PKNOX2: variants seen among roughly 807,000 people sequenced by gnomAD.
PKNOX2 encodes the protein homeobox protein PKNOX2.
PKNOX2 carries 14 observed loss-of-function variants against 53.1 expected under a neutral mutation model. The observed-to-expected ratio is 0.26, with a 90% CI of 0.17 to 0.41. PKNOX2 has a LOEUF of 0.41. PKNOX2 is among the 10% of genes least tolerant of loss of function. PKNOX2 has a pLI of 1.00. For synonymous variants in PKNOX2, 257 were observed against 242.8 expected (o/e 1.06, Z -0.54); for missense variants, 496 against 602.8 (o/e 0.82, Z 1.85).
At chr11:125,350,904 G>A (rs1951268603) in intron 3 of PKNOX2, among the ~76,000 whole-genome samples, 1 of 152,098 alleles carries the variant, frequency 6.6e-6, no homozygotes, top group Admixed American at 6.5e-5. Flanking sequence ...CTGGAACTCA[G>A]GGTCCTCCTG....
At chr11:125,186,107 G>T (rs1283678830) in intron 1 of PKNOX2, among the ~76,000 whole-genome samples, 1 of 48,892 alleles carries the variant, frequency 2.0e-5, no homozygotes, top group South Asian at 1.1e-3. Context: ...ATGTGAAGTG[G>T]TATCTCGTTA....
chr11:125,235,455 G>A (rs1015537789), intron 2 of PKNOX2, among the ~76,000 whole-genome samples: 5 of 152,228 alleles, frequency 3.3e-5, no homozygotes, highest in Admixed American at 3.3e-4. Flanking sequence ...AGCCTGGAAG[G>A]CAATGAGAGG....
rs528383347 is a variant in PKNOX2 at position 125,218,407 on chromosome 11, T to TG, written c.-200-16629dup. Among the ~76,000 whole-genome samples, 513 of 120,748 alleles carry TG rather than the reference T, an allele frequency of 4.2e-3. 5 individuals are homozygous for TG. The highest frequency in any genetic ancestry group is 0.015 in the East Asian group (58 of 3,782). 79.2% of individuals were successfully genotyped at this position (120,748 alleles called of 152,430 possible). A position where few individuals can be genotyped will look rare whatever the true frequency, so the allele number is the denominator to read the frequency against. On this transcript the variant is annotated intron_variant, in intron 1 of 12. Transcript: ENST00000298282. ...GACTCTGGGTGCTGCGTGGCAGTGA[T>TG]GGGGGGGGGACAGGAACTTGTTCCA...
chr11:125,365,159 C>A (rs1364751468), intron 4 of PKNOX2, among the ~76,000 whole-genome samples: 1 of 152,074 alleles, frequency 6.6e-6, no homozygotes, highest in Non-Finnish European at 1.5e-5. Flanking sequence ...TCACCCACCC[C>A]CCAAATCTTG....
chr11:125,212,277 A>G (rs997851596), intron 1 of PKNOX2, among the ~76,000 whole-genome samples: 1 of 151,984 alleles, frequency 6.6e-6, no homozygotes, highest in African/African-American at 2.4e-5. Context: ...AGAGGGGAGC[A>G]TTCTTTCTGG....
chr11:125,421,388 G>T (rs145165614), intron 10 of PKNOX2, among the ~76,000 whole-genome samples: 2 of 152,292 alleles, frequency 1.3e-5, no homozygotes, highest in East Asian at 3.9e-4. Flanking sequence ...TGAGGGGTCT[G>T]GGGATATCTT....
rs1407761573 is a variant in PKNOX2 at position 125,370,336 on chromosome 11, G to A, written c.227+2351G>A. Among the ~76,000 whole-genome samples the A allele has an allele frequency of 8.5e-5, 13 of 152,150 alleles. No homozygotes were observed. The highest frequency in any genetic ancestry group is 1.6e-4 in the Non-Finnish European group (11 of 68,034). ...AAGCCCTTCTCACAATCCCAGGCTC[G>A]TACCCTACCCAGGCCAACCTGCAGG... On this transcript the variant is annotated intron_variant, in intron 5 of 12. Coordinates refer to ENST00000298282, the MANE Select transcript of PKNOX2 (RefSeq NM_001382323.2). This position sits in a 1 kb window ranked among gnomAD's most constrained non-coding sequence, Gnocchi z 4.1.
chr11:125,289,389 A>G (rs1947157348), intron 2 of PKNOX2, among the ~76,000 whole-genome samples: 1 of 152,162 alleles, frequency 6.6e-6, no homozygotes, highest in Non-Finnish European at 1.5e-5. Context: ...GACAGTGTCT[A>G]CTCCACAAAT....
intron 2 of PKNOX2, among the ~76,000 whole-genome samples, chr11:125,292,415 C>T (rs1000025591): frequency 5.9e-5 from 9 of 152,270 alleles, no homozygotes; most frequent in Middle Eastern, 3.4e-3. Context: ...CAGTGCCAGC[C>T]CTCAGTGGGT....
intron 1 of PKNOX2, among the ~76,000 whole-genome samples, chr11:125,189,565 G>A (rs1414111579): frequency 6.8e-6 from 1 of 146,480 alleles, no homozygotes. Flanking sequence ...AACTCAGAAG[G>A]TCTTTGTTGT....
At chr11:125,284,372 C>T (rs1375945907) in intron 2 of PKNOX2, among the ~76,000 whole-genome samples, 6 of 152,126 alleles carry the variant, frequency 3.9e-5, no homozygotes, top group African/African-American at 7.2e-5. Flanking sequence ...CCTCTCAGCC[C>T]GCTGCTCCTC....
At chr11:125,349,556 G>T (rs1272900633) in intron 3 of PKNOX2, among the ~76,000 whole-genome samples, 2 of 152,044 alleles carry the variant, frequency 1.3e-5, no homozygotes, top group East Asian at 3.9e-4. Flanking sequence ...TTTAGCACCG[G>T]GGGAGCCATC....
intron 3 of PKNOX2, among the ~76,000 whole-genome samples, chr11:125,338,894 T>C (rs903818326): frequency 1.3e-5 from 2 of 152,206 alleles, no homozygotes; most frequent in African/African-American, 4.8e-5. Context: ...AAGGCAGGAC[T>C]CTTTCTTTCC....
Position 125,392,934 on chromosome 11 carries a change from G to A in PKNOX2, c.400-4940G>A, listed in dbSNP as rs541167559. 5.9e-4 allele frequency among the ~76,000 whole-genome samples: 90 copies of A among 152,106 alleles called. 4 individuals carry two copies. In the South Asian group the frequency reaches 0.015, roughly 25 times the overall value. Reference sequence around the variant, plus strand: ...AGCACTTTGGGAGGCCAAGGTGGGCGGATCATGAGGTCAGGAGATCGAGAC... The same window carrying A: ...AGCACTTTGGGAGGCCAAGGTGGGCAGATCATGAGGTCAGGAGATCGAGAC... On this transcript the variant is annotated intron_variant, in intron 6 of 12. Coordinates refer to ENST00000298282, the MANE Select transcript of PKNOX2 (RefSeq NM_001382323.2).
intron 4 of PKNOX2, among the ~76,000 whole-genome samples, chr11:125,362,927 C>G (rs921852744): frequency 2.0e-5 from 3 of 152,224 alleles, no homozygotes; most frequent in South Asian, 2.1e-4. Context: ...ATACATCTGA[C>G]AAGCCCTGAC....
At chr11:125,369,640 G>T (rs1300744869) in intron 5 of PKNOX2, among the ~76,000 whole-genome samples, 2 of 152,180 alleles carry the variant, frequency 1.3e-5, no homozygotes, top group Admixed American at 1.3e-4. Context: ...GGTCCTAAAG[G>T]TTGAGTAACA....
Position 125,370,770 on chromosome 11 carries a change from G to A in PKNOX2, c.227+2785G>A, listed in dbSNP as rs147512732. On this transcript the variant is annotated intron_variant, in intron 5 of 12. Coordinates refer to ENST00000298282, the MANE Select transcript of PKNOX2 (RefSeq NM_001382323.2). This position sits in a 1 kb window ranked among gnomAD's most constrained non-coding sequence, Gnocchi z 4.1. ...AGGGAGCTCAGCCTCCTGTAGGGTC[G>A]GGTAATTTTAATTAGATTTGCCTGC... 4.6e-4 allele frequency among the ~76,000 whole-genome samples: 70 copies of A among 152,332 alleles called. No individual in the cohort carries two copies. In the East Asian group the frequency reaches 0.011, roughly 25 times the overall value.
rs1426271378 is a variant in PKNOX2, at chr11:125,355,276, A to G, written c.87+3884A>G. Among the ~76,000 whole-genome samples, 17 of 140,804 alleles carry G rather than the reference A, an allele frequency of 1.2e-4. No homozygotes were observed. In the East Asian group the frequency reaches 2.0e-3, roughly 17 times the overall value. The allele number at this position is 140,804 out of a possible 152,430, so 92.4% of individuals were successfully genotyped here. A position where few individuals can be genotyped will look rare whatever the true frequency, so the allele number is the denominator to read the frequency against. ...AGTGAGACTCTATCTCAAAAAAAAA[A>G]GAAAAAAAAAAAAAAAAGAAAGAAA... On this transcript the variant is annotated intron_variant, in intron 4 of 12. Coordinates refer to ENST00000298282, the MANE Select transcript of PKNOX2 (RefSeq NM_001382323.2).
intron 7 of PKNOX2, among the ~76,000 whole-genome samples, chr11:125,408,121 G>A (rs1007225364): frequency 6.6e-6 from 1 of 152,192 alleles, no homozygotes. Flanking sequence ...GTGGGTGAAG[G>A]AGATCTGTGT....
Sources: gnomAD v4.1 joint callset for allele counts (sites outside exome capture counted in the v4.1 genomes callset) on GRCh38, gnomAD v4.1.1 for gene constraint, Gnocchi (gnomAD v3.1) non-coding constraint, MANE v1.5 for transcripts, NCBI Gene and HGNC (gene_info 2026-07-23, HGNC 2026-07-21) for gene names.